The following NKAIN2 variants were observed in gnomAD, a reference collection of about 807,000 sequenced individuals.
The protein encoded by NKAIN2 is sodium/potassium-transporting ATPase subunit beta-1-interacting protein 2.
A neutral mutation model predicts 32.6 loss-of-function variants in NKAIN2; 14 were observed. The observed-to-expected ratio is 0.43, with a 90% CI of 0.28 to 0.67. NKAIN2 has a LOEUF of 0.67. NKAIN2 is among the 30% of genes least tolerant of loss of function. The pLI is 0.17. For synonymous variants in NKAIN2, 80 were observed against 87.2 expected, an observed-to-expected ratio of 0.92 and a Z score of 0.46; for missense variants, 198 against 258.3, an observed-to-expected ratio of 0.77 and a Z score of 1.60.
intron 1 of NKAIN2, among the ~76,000 whole-genome samples, chr6:124,156,928 C>A (rs1184227213): frequency 1.3e-5 from 2 of 151,562 alleles, no homozygotes; most frequent in East Asian, 3.9e-4. Flanking sequence ...CATGGTAAAA[C>A]CCCGTCTTTA....
chr6:124,109,054 T>C (rs1311822373), intron 1 of NKAIN2, among the ~76,000 whole-genome samples: 1 of 152,062 alleles, frequency 6.6e-6, no homozygotes, highest in Non-Finnish European at 1.5e-5. Flanking sequence ...TGTGGGTTTC[T>C]AGTGAATTTT....
At chr6:123,959,977 C>A (rs1777773682) in intron 1 of NKAIN2, among the ~76,000 whole-genome samples, 1 of 145,472 alleles carries the variant, frequency 6.9e-6, no homozygotes, top group Non-Finnish European at 1.5e-5. Flanking sequence ...GTGTGTAACA[C>A]CATTCACACT....
intron 1 of NKAIN2, among the ~76,000 whole-genome samples, chr6:123,886,752 C>T (rs939051446): frequency 2.0e-5 from 3 of 152,088 alleles, no homozygotes; most frequent in African/African-American, 7.2e-5. Context: ...TTGGTCAGTT[C>T]TTTCAGAACA....
At chr6:123,809,305 A>G (rs1031283166) in intron 1 of NKAIN2, among the ~76,000 whole-genome samples, 1 of 151,344 alleles carries the variant, frequency 6.6e-6, no homozygotes, top group East Asian at 2.0e-4. Flanking sequence ...ATAATAAAAT[A>G]CATAAGCCAT....
chr6:124,567,949 G>A (rs1780982433), intron 3 of NKAIN2, among the ~76,000 whole-genome samples: 1 of 152,126 alleles, frequency 6.6e-6, no homozygotes, highest in Non-Finnish European at 1.5e-5. Flanking sequence ...CAAGCTGTGG[G>A]TCTAATCGAG....
intron 1 of NKAIN2, among the ~76,000 whole-genome samples, chr6:123,980,995 G>A (rs541889963): frequency 2.0e-5 from 3 of 151,434 alleles, no homozygotes; most frequent in African/African-American, 4.8e-5. Context: ...TCAGCCTCCC[G>A]AGTAGGTAGG....
intron 3 of NKAIN2, among the ~76,000 whole-genome samples, chr6:124,499,166 G>A (rs1778185966): frequency 6.6e-6 from 1 of 152,074 alleles, no homozygotes; most frequent in Non-Finnish European, 1.5e-5. Context: ...GTTAATTTAG[G>A]TGTAATATTT....
At chr6:124,290,769 A>G (rs1795773318) in intron 2 of NKAIN2, among the ~76,000 whole-genome samples, 1 of 149,652 alleles carries the variant, frequency 6.7e-6, no homozygotes, top group Non-Finnish European at 1.5e-5. Context: ...TGTGCATTCT[A>G]TTGCTTGATA....
Position 124,787,636 on chromosome 6 carries a change from A to G in NKAIN2, c.475-3703A>G, listed in dbSNP as rs1224681087. The stretch of plus-strand genomic sequence containing the variant: ...ATCAATTCTGACAAGGATTGGTGAG[A>G]GATGAGGCTAGAAAGGAAGACAAGT... On this transcript the variant is annotated intron_variant, in intron 4 of 6. Transcript: ENST00000368417. 2.0e-5 allele frequency among the ~76,000 whole-genome samples: 3 copies of G among 152,128 alleles called. No homozygotes were observed. In the East Asian group the frequency reaches 5.8e-4, roughly 29 times the overall value.
chr6:124,344,440 G>A (rs1020413640), intron 2 of NKAIN2, among the ~76,000 whole-genome samples: 77 of 151,572 alleles, frequency 5.1e-4, no homozygotes, highest in Non-Finnish European at 9.7e-4. Context: ...CCATTTTCAC[G>A]ATATTGATTC....
At chr6:124,207,782 A>T (rs1790969853) in intron 1 of NKAIN2, among the ~76,000 whole-genome samples, 1 of 151,998 alleles carries the variant, frequency 6.6e-6, no homozygotes, top group Non-Finnish European at 1.5e-5. Context: ...TGATTTCAGT[A>T]AAGTCAATAA....
chr6:124,251,068 T>C (rs1043664929), intron 1 of NKAIN2, among the ~76,000 whole-genome samples: 1 of 151,980 alleles, frequency 6.6e-6, no homozygotes, highest in Non-Finnish European at 1.5e-5. Context: ...TTTATTGAAA[T>C]CTATTGTTTT....
intron 3 of NKAIN2, among the ~76,000 whole-genome samples, chr6:124,430,717 C>T (rs115568884): frequency 0.012 from 1,851 of 152,132 alleles, 37 homozygotes; most frequent in African/African-American, 0.041. Context: ...CTTCAGTAAT[C>T]ATGCAGTATT....
rs148787372 is a variant in NKAIN2, at chr6:124,395,470, A to T, written c.273+40123A>T. Among the ~76,000 whole-genome samples, 12 of 152,328 alleles carry T rather than the reference A, an allele frequency of 7.9e-5. No homozygotes were observed. In the East Asian group the frequency reaches 2.1e-3, roughly 27 times the overall value. On this transcript the variant is annotated intron_variant, in intron 3 of 6. Transcript: ENST00000368417. ...ACATTAAAACCCATAAATTAATCTCATTCAGTGGTAAACACATAATGTTGC... is the reference window on the plus strand; with the variant it reads ...ACATTAAAACCCATAAATTAATCTCTTTCAGTGGTAAACACATAATGTTGC...
chr6:124,487,976 G>A (rs1183510943), intron 3 of NKAIN2, among the ~76,000 whole-genome samples: 2 of 152,070 alleles, frequency 1.3e-5, no homozygotes, highest in African/African-American at 4.8e-5. Flanking sequence ...TCAGAGTGAT[G>A]TTTGTTTACG....
chr6:124,158,034 T>C (rs1251530327), intron 1 of NKAIN2, among the ~76,000 whole-genome samples: 1 of 152,224 alleles, frequency 6.6e-6, no homozygotes, highest in African/African-American at 2.4e-5. Flanking sequence ...GAAGAATTTA[T>C]TGTATATTTT....
chr6:124,664,112 T>G (rs576585577), intron 4 of NKAIN2, among the ~76,000 whole-genome samples: 98 of 151,974 alleles, frequency 6.4e-4, no homozygotes, highest in African/African-American at 2.2e-3. Context: ...CCGTCTCTAC[T>G]AAAAATACAA....
At chr6:124,816,459 CT>C (rs1269984274) in intron 5 of NKAIN2, among the ~76,000 whole-genome samples, 3 of 152,130 alleles carry the variant, frequency 2.0e-5, no homozygotes, top group African/African-American at 7.2e-5. Flanking sequence ...TGTAGGTTCA[CT>C]GATTGTAATA....
At chr6:124,486,146 A>G (rs1777640519) in intron 3 of NKAIN2, among the ~76,000 whole-genome samples, 1 of 152,222 alleles carries the variant, frequency 6.6e-6, no homozygotes, top group Non-Finnish European at 1.5e-5. Context: ...CTTCAATAAC[A>G]CAAAATGAAA....
Sources: allele counts gnomAD v4.1 joint callset (sites outside exome capture counted in the v4.1 genomes callset), GRCh38; gene constraint gnomAD v4.1.1; transcripts MANE v1.5; gene names NCBI Gene and HGNC (gene_info 2026-07-23, HGNC 2026-07-21).